Variants in ZNF454 observed in about 807,000 individuals in gnomAD.
ZNF454 encodes the protein zinc finger protein 454.
ZNF454 carries 30 observed loss-of-function variants against 48.2 expected under a neutral mutation model. The ratio of observed to expected loss-of-function variants is 0.62; its 90% CI spans 0.47 to 0.84. ZNF454 has a LOEUF of 0.84. Ranked by LOEUF, ZNF454 falls within the 40% of genes least tolerant of loss-of-function variation. ZNF454 has a pLI of 0.00. For missense variants in ZNF454, 510 were observed against 623.1 expected (o/e 0.82, Z 1.93); for synonymous variants, 204 against 211.4 (o/e 0.97, Z 0.30).
At chr5:178,985,623 A>G in the ZNF454 span, 31 of 365,700 alleles carry the variant, frequency 8.5e-5, no homozygotes, top group Non-Finnish European at 1.6e-4. Context: ...GAATGGCGTG[A>G]ACCCGGAAGG....
At chr5:178,956,799 G>C (rs988385793) in intron 4 of ZNF454, 7 of 222,704 alleles carry the variant, frequency 3.1e-5, no homozygotes, top group Non-Finnish European at 6.7e-5. Flanking sequence ...TCTGCCTCCC[G>C]GGTTCATACC....
the ZNF454 span, chr5:178,986,170 G>A: frequency 2.5e-6 from 4 of 1,613,966 alleles, no homozygotes; most frequent in Non-Finnish European, 3.4e-6. Context: ...CAGCTGTGAG[G>A]TGGGGCTGAT....
chr5:178,945,090 TGTGTGTGTTCGG>T (rs1759261465), intron 2 of ZNF454, among the ~76,000 whole-genome samples: 1,018 of 85,426 alleles, frequency 0.012, 10 homozygotes, highest in Non-Finnish European at 0.018. Flanking sequence ...TGTGGGGGGG[TGTGTGTGTTCGG>T]GTGTGTGTGC....
the ZNF454 span, among the ~76,000 whole-genome samples, chr5:178,973,249 A>G: frequency 0.11 from 16,803 of 151,242 alleles, 1,350 homozygotes; most frequent in African/African-American, 0.23. Flanking sequence ...CATGCAGGGG[A>G]CCTTGGCAGG....
In ZNF454 at chr5:178,964,899, T is replaced by C; in HGVS notation, c.495T>C (p.Ser165=). Residue 165 remains serine (S), a synonymous_variant, in exon 5 of 5, where the codon AGT becomes AGC. Transcript: ENST00000519564. ...GCACTATGAGCTCATCTCTTCACAG[T>C]GATCAAAGTCAGGGATTTCAACCTA... ...SGSTMSSSLH[S]DQSQGFQPSK... 6.2e-7 allele frequency: 1 copy of C among 1,614,198 alleles called. No individual in the cohort carries two copies. Among genetic ancestry groups the C allele is most frequent in the Non-Finnish European group, 8.5e-7 (1 of 1,180,052 alleles).
chr5:178,971,578 G>A, the ZNF454 span, among the ~76,000 whole-genome samples: 331 of 151,968 alleles, frequency 2.2e-3, 1 homozygote, highest in African/African-American at 7.6e-3. Flanking sequence ...GGCTGGGCGC[G>A]GTGGCCATGC....
chr5:178,982,921 A>T, the ZNF454 span: 12 of 1,613,664 alleles, frequency 7.4e-6, no homozygotes, highest in Non-Finnish European at 1.0e-5. Flanking sequence ...TTTTCAGCTG[A>T]CTGGGCAGTG....
chr5:178,944,970 G>T lies in ZNF454; in HGVS notation c.34-1389G>T, dbSNP rs1759252226. Among the ~76,000 whole-genome samples the T allele has an allele frequency of 6.6e-6, 1 of 151,992 alleles. No individual in the cohort carries two copies. The highest frequency in any genetic ancestry group is 2.4e-5 in the African/African-American group (1 of 41,388). On this transcript the variant is annotated intron_variant, in intron 2 of 4. Coordinates refer to ENST00000519564, the MANE Select transcript of ZNF454 (RefSeq NM_001178089.3). The surrounding 1 kb of genome is among the most constrained non-coding windows in gnomAD (Gnocchi z 4.1). Reference sequence around the variant, plus strand: ...TCAGAAGGAACAAGTTTCCTATTGTGCAGAATGACTGGTTCCATGGGACCC... The same window carrying T: ...TCAGAAGGAACAAGTTTCCTATTGTTCAGAATGACTGGTTCCATGGGACCC...
chr5:178,981,871 G>C, the ZNF454 span: 1 of 1,467,744 alleles, frequency 6.8e-7, no homozygotes. This position sits in a 1 kb window ranked among gnomAD's most constrained non-coding sequence, Gnocchi z 5.1. Context: ...CATGGAAGAG[G>C]GGACCAGATG....
the ZNF454 span, among the ~76,000 whole-genome samples, chr5:178,973,528 G>T: frequency 6.6e-6 from 1 of 152,008 alleles, no homozygotes; most frequent in South Asian, 2.1e-4. Context: ...AGTTTTTAGT[G>T]TCTTTACTGA....
chr5:178,985,424 C>G, the ZNF454 span: 1 of 354,978 alleles, frequency 2.8e-6, no homozygotes, highest in Non-Finnish European at 5.5e-6. Context: ...AAAAAACTCA[C>G]TGGGCGCAGC....
chr5:178,957,305 C>A (rs1384111164), intron 4 of ZNF454, among the ~76,000 whole-genome samples: 1 of 152,146 alleles, frequency 6.6e-6, no homozygotes, highest in Non-Finnish European at 1.5e-5. Context: ...CTGGGTGTGA[C>A]CTCTTGACAA....
chr5:178,965,149 T>C lies in ZNF454; in HGVS notation c.745T>C (p.Cys249Arg). 6.2e-7 allele frequency: 1 copy of C among 1,614,198 alleles called. No homozygotes were observed. Among genetic ancestry groups the C allele is most frequent in the Middle Eastern group, 1.7e-4 (1 of 6,060 alleles). Residue 249 changes from cysteine (C) to arginine (R), a missense_variant, in exon 5 of 5, where the codon TGT (cysteine) becomes CGT (arginine). This residue lies in a region of ZNF454 where 354 missense variants were observed against 408.9 expected (regional missense o/e 0.87). Transcript: ENST00000519564. The surrounding 1 kb of genome is among the most constrained non-coding windows in gnomAD (Gnocchi z 5.2). ...CGAGAAACCCTATGAATGTAAGGAA[T>C]GTGGCAAGGCCTTCTCAGTGAGCTC... is the stretch of plus-strand genomic sequence containing the variant. ...TGEKPYECKE[C>R]GKAFSVSSSL...
chr5:178,987,088 T>A, the ZNF454 span: 6 of 1,169,726 alleles, frequency 5.1e-6, no homozygotes, highest in Admixed American at 7.9e-5. Context: ...TTAACAAGCA[T>A]CACTGCTCAT....
At chr5:178,968,006 T>A (rs959700508), downstream of ZNF454, among the ~76,000 whole-genome samples, 1 of 152,066 alleles carries the variant, frequency 6.6e-6, no homozygotes, top group African/African-American at 2.4e-5. Flanking sequence ...CCCCAGGTGC[T>A]GGGATTACAG....
chr5:178,944,767 C>CT lies in ZNF454; in HGVS notation c.34-1586dup, dbSNP rs952580889. ...TCCTTCTCTGGGCTTCTGCTTACCT[C>CT]TTTTTTCTCAGTGAACACCAGCTCC... On this transcript the variant is annotated intron_variant, in intron 2 of 4. Coordinates refer to ENST00000519564, the MANE Select transcript of ZNF454 (RefSeq NM_001178089.3). The surrounding 1 kb of genome is among the most constrained non-coding windows in gnomAD (Gnocchi z 4.1). 3.9e-5 allele frequency among the ~76,000 whole-genome samples: 6 copies of CT among 152,198 alleles called. No homozygotes were observed. Among genetic ancestry groups the CT allele is most frequent in the Non-Finnish European group, 5.9e-5 (4 of 68,036 alleles).
chr5:178,980,886 G>A, the ZNF454 span: 5,425 of 152,576 alleles, frequency 0.036, 169 homozygotes, highest in East Asian at 0.14. The surrounding 1 kb of genome is among the most constrained non-coding windows in gnomAD (Gnocchi z 4.3). Flanking sequence ...CACCTGCCTC[G>A]GCCTCCCAAA....
At chr5:178,975,504 G>C in the ZNF454 span, among the ~76,000 whole-genome samples, 1 of 152,206 alleles carries the variant, frequency 6.6e-6, no homozygotes, top group African/African-American at 2.4e-5. Context: ...AATATACTCT[G>C]AAAAGACATG....
At chr5:178,984,290 GCACGCCTCA>G in the ZNF454 span, among the ~76,000 whole-genome samples, 1 of 39,360 alleles carries the variant, frequency 2.5e-5, no homozygotes, top group African/African-American at 4.3e-5. Flanking sequence ...GAGCGAGCGA[GCACGCCTCA>G]CTCGGAACGG....
Sources: allele counts gnomAD v4.1 joint callset (sites outside exome capture counted in the v4.1 genomes callset), GRCh38; gene constraint gnomAD v4.1.1; regional missense constraint gnomAD v4.1.1; non-coding constraint Gnocchi (gnomAD v3.1); transcripts MANE v1.5; gene names NCBI Gene and HGNC (gene_info 2026-07-23, HGNC 2026-07-21).